Variants in GRM8 observed in about 807,000 individuals in gnomAD.
The protein encoded by GRM8 is metabotropic glutamate receptor 8.
GRM8 carries 47 observed loss-of-function variants against 87.2 expected under a neutral mutation model. The ratio of observed to expected loss-of-function variants is 0.54; its 90% CI spans 0.43 to 0.69. GRM8 has a LOEUF of 0.69. GRM8 is among the 30% of genes least tolerant of loss of function. The pLI is 0.00. For synonymous variants in GRM8, 396 were observed against 404.5 expected, an observed-to-expected ratio of 0.98 and a Z score of 0.25; for missense variants, 1,019 against 1,139.2, an observed-to-expected ratio of 0.89 and a Z score of 1.52.
intron 6 of GRM8, among the ~76,000 whole-genome samples, chr7:126,785,834 C>A (rs1490524141): frequency 6.6e-6 from 1 of 151,986 alleles, no homozygotes; most frequent in African/African-American, 2.4e-5. Context: ...CTAGATTTTA[C>A]CAGACACAAA....
chr7:126,464,232 G>T (rs1252469060), intron 9 of GRM8, among the ~76,000 whole-genome samples: 1 of 151,352 alleles, frequency 6.6e-6, no homozygotes, highest in African/African-American at 2.4e-5. Context: ...TATAGTTTTT[G>T]TCTTGAAATC....
chr7:126,533,932 T>C (rs1338684654), intron 8 of GRM8, 45 bp from the exon 9 acceptor site: 26 of 1,399,622 alleles, frequency 1.9e-5, no homozygotes, highest in Non-Finnish European at 2.4e-5. Context: ...TTCCCCCATT[T>C]ATAATATCCT....
chr7:126,707,291 C>T (rs986475104), intron 7 of GRM8, among the ~76,000 whole-genome samples: 4 of 151,978 alleles, frequency 2.6e-5, no homozygotes, highest in Admixed American at 6.6e-5. Flanking sequence ...TTATTGTGTA[C>T]AAGTATTTTT....
At chr7:126,855,311 A>ATTT (rs1797575344) in intron 6 of GRM8, among the ~76,000 whole-genome samples, 1 of 152,108 alleles carries the variant, frequency 6.6e-6, no homozygotes, top group Non-Finnish European at 1.5e-5. Context: ...GCTAACTTGC[A>ATTT]TATTTTATTT....
chr7:126,535,299 C>T (rs960139936), intron 8 of GRM8, among the ~76,000 whole-genome samples: 3 of 152,106 alleles, frequency 2.0e-5, no homozygotes, highest in African/African-American at 4.8e-5. Context: ...ATTTTGGTTT[C>T]GGCCTTGCTC....
intron 2 of GRM8, among the ~76,000 whole-genome samples, chr7:127,208,350 A>G (rs1796029623): frequency 6.6e-6 from 1 of 152,186 alleles, no homozygotes; most frequent in Non-Finnish European, 1.5e-5. Flanking sequence ...CAACCTCAGC[A>G]TAAATCCCTG....
At chr7:126,483,973 G>C (rs1056585470) in intron 9 of GRM8, among the ~76,000 whole-genome samples, 1 of 152,030 alleles carries the variant, frequency 6.6e-6, no homozygotes, top group Non-Finnish European at 1.5e-5. Flanking sequence ...AACCAGACTT[G>C]AGCATCAGTC....
Position 127,078,164 on chromosome 7 carries a change from T to A in GRM8, c.727+28332A>T, listed in dbSNP as rs1042327954. ...TTCCACCCTCCTTAGAACGTGGCAA[T>A]AGTTTAAAATAGCATTTTCTTACTT... On this transcript the variant is annotated intron_variant, in intron 3 of 10. Transcript: ENST00000339582. Among the ~76,000 whole-genome samples, 5 of 152,336 alleles carry A rather than the reference T, an allele frequency of 3.3e-5. No homozygotes were observed. In the East Asian group the frequency reaches 9.6e-4, roughly 29 times the overall value.
intron 2 of GRM8, among the ~76,000 whole-genome samples, chr7:127,143,188 T>C (rs1828373105): frequency 6.6e-6 from 1 of 152,100 alleles, no homozygotes; most frequent in Non-Finnish European, 1.5e-5. Context: ...TTCTAATAGG[T>C]AAGCCTGTTG....
intron 3 of GRM8, among the ~76,000 whole-genome samples, chr7:127,042,658 C>T (rs1166160379): frequency 1.3e-5 from 2 of 152,132 alleles, no homozygotes; most frequent in Admixed American, 1.3e-4. Context: ...ACCATAAAAA[C>T]CCTAGAAGAA....
intron 3 of GRM8, among the ~76,000 whole-genome samples, chr7:126,973,590 A>T (rs1249578000): frequency 6.6e-6 from 1 of 152,230 alleles, no homozygotes; most frequent in Non-Finnish European, 1.5e-5. Flanking sequence ...CTAGGTCAAC[A>T]TATTTATAAC....
chr7:127,194,546 CT>C (rs1219195307), intron 2 of GRM8, among the ~76,000 whole-genome samples: 1 of 152,076 alleles, frequency 6.6e-6, no homozygotes, highest in African/African-American at 2.4e-5. Flanking sequence ...CTTGCGGATC[CT>C]AGGGCATATC....
intron 3 of GRM8, among the ~76,000 whole-genome samples, chr7:127,003,896 A>G (rs1813996076): frequency 6.6e-6 from 1 of 151,680 alleles, no homozygotes; most frequent in African/African-American, 2.4e-5. Flanking sequence ...CTTGACAATT[A>G]ACTCCAAAAC....
In GRM8 at chr7:127,018,292, A is replaced by G. The variant is rs145907060; in HGVS notation, c.727+88204T>C. 4.3e-4 allele frequency among the ~76,000 whole-genome samples: 66 copies of G among 152,160 alleles called. No homozygotes were observed. In the East Asian group the frequency reaches 0.01, roughly 24 times the overall value. The stretch of plus-strand genomic sequence containing the variant: ...ATACCTGGCAAATGAGTAATAAAAA[A>G]TAATAATAAGGAAAAGTGATCACCA... On this transcript the variant is annotated intron_variant, in intron 3 of 10. Coordinates refer to ENST00000339582, the MANE Select transcript of GRM8 (RefSeq NM_000845.3).
chr7:126,491,695 G>A (rs940957901), intron 9 of GRM8, among the ~76,000 whole-genome samples: 1 of 151,954 alleles, frequency 6.6e-6, no homozygotes, highest in African/African-American at 2.4e-5. Flanking sequence ...TTAGCCACAG[G>A]TGTCATGTTT....
intron 7 of GRM8, among the ~76,000 whole-genome samples, chr7:126,628,961 A>G (rs1000574289): frequency 6.6e-6 from 1 of 152,050 alleles, no homozygotes; most frequent in Admixed American, 6.6e-5. Flanking sequence ...AGAGTGAGGG[A>G]AGGAAATGAA....
chr7:126,535,234 A>G (rs1278751507), intron 8 of GRM8, among the ~76,000 whole-genome samples: 4 of 152,194 alleles, frequency 2.6e-5, no homozygotes, highest in Non-Finnish European at 1.5e-5. Context: ...TGTGTAAACA[A>G]TAGTATATTC....
At chr7:126,831,481 C>A (rs944522203) in intron 6 of GRM8, among the ~76,000 whole-genome samples, 1 of 152,212 alleles carries the variant, frequency 6.6e-6, no homozygotes, top group Admixed American at 6.5e-5. Flanking sequence ...AGAGAGACTC[C>A]GTGGGCGTAG....
chr7:127,025,323 C>A (rs953819276), intron 3 of GRM8, among the ~76,000 whole-genome samples: 2 of 152,062 alleles, frequency 1.3e-5, no homozygotes, highest in African/African-American at 4.8e-5. Flanking sequence ...TTTCCTCAGA[C>A]ACTAGACCCT....
Sources: gnomAD v4.1 joint callset for allele counts (sites outside exome capture counted in the v4.1 genomes callset) on GRCh38, gnomAD v4.1.1 for gene constraint, MANE v1.5 for transcripts, NCBI Gene and HGNC (gene_info 2026-07-23, HGNC 2026-07-21) for gene names.